Variants in GTPBP1 observed in about 807,000 individuals in gnomAD.
GTPBP1 encodes GTP-binding protein 1.
Under a neutral mutation model 62.0 loss-of-function variants are expected in GTPBP1, and 23 were observed. The observed-to-expected ratio is 0.37, with a 90% confidence interval of 0.27 to 0.53. GTPBP1 has a LOEUF of 0.53. Among genes scored for constraint, GTPBP1 ranks in the 20% least tolerant of loss-of-function variants. The pLI is 0.89. For synonymous variants in GTPBP1, 344 were observed against 364.4 expected, an observed-to-expected ratio of 0.94 and a Z score of 0.64; for missense variants, 640 against 917.3, an observed-to-expected ratio of 0.70 and a Z score of 3.90.
chr22:38,736,187 C>T, downstream of GTPBP1: 1 of 1,352,362 alleles, frequency 7.4e-7, no homozygotes. Context: ...AGTCAGAGCG[C>T]CGAGCAAGCG....
chr22:38,721,597 T>G (rs1464285205), intron 4 of GTPBP1, 145 bp from the exon 5 acceptor site: 5 of 616,734 alleles, frequency 8.1e-6, no homozygotes, highest in Non-Finnish European at 1.4e-5. Flanking sequence ...TCCTCCGATT[T>G]TGACGCCCCA....
chr22:38,742,690 G>T, downstream of GTPBP1: 1 of 1,184,296 alleles, frequency 8.4e-7, no homozygotes, highest in Admixed American at 2.9e-5. Flanking sequence ...GCCATGCAGG[G>T]CCGGCTGGAG....
intron 2 of GTPBP1, among the ~76,000 whole-genome samples, chr22:38,713,090 G>A (rs1323842453): frequency 5.3e-5 from 8 of 152,156 alleles, no homozygotes; most frequent in Non-Finnish European, 8.8e-5. Flanking sequence ...ACATTTGTGG[G>A]CAGAATGAGT....
At chr22:38,740,060 G>GGAAA, downstream of GTPBP1, 2 of 1,308,264 alleles carry the variant, frequency 1.5e-6, no homozygotes, top group Non-Finnish European at 2.1e-6. This position sits in a 1 kb window ranked among gnomAD's most constrained non-coding sequence, Gnocchi z 4.8. Flanking sequence ...GGCCACTGGA[G>GGAAA]GAAAGAGTTA....
Position 38,726,364 on chromosome 22 carries a change from T to A in GTPBP1, c.1325T>A (p.Val442Asp). The change falls in exon 8 of 12, where the codon GTC (valine) becomes GAC (aspartate). Residue 442 changes from valine (V) to aspartate (D), a missense_variant. By Grantham distance (152) the Val-to-Asp change is radical (BLOSUM62 -3). This residue lies in a region of GTPBP1 where 220 missense variants were observed against 358.1 expected (regional missense o/e 0.61). Transcript: ENST00000216044. The surrounding 1 kb of genome is among the most constrained non-coding windows in gnomAD (Gnocchi z 4.1). The part of the protein sequence containing the change: ...DPLGNFLSIA[V>D]KSIHRKRMPV... ...TTGGGTAACTTCCTGTCCATTGCTG[T>A]CAAATCCATCCATCGCAAGCGCATG... is the stretch of plus-strand genomic sequence containing the variant. The A allele has an allele frequency of 6.2e-7, 1 of 1,614,068 alleles. No individual in the cohort carries two copies. Among genetic ancestry groups the A allele is most frequent in the Non-Finnish European group, 8.5e-7 (1 of 1,179,982 alleles).
At position 38,731,928 on chromosome 22, in the gene GTPBP1, C is replaced by A. The variant is rs576501119; in HGVS notation, c.*1224C>A. 4 of 152,358 alleles carry A rather than the reference C, an allele frequency of 2.6e-5. No homozygotes were observed. The highest frequency in any genetic ancestry group is 5.9e-5 in the Non-Finnish European group (4 of 68,184). The allele number at this position is 152,358 out of a possible 1,614,324, so 9.4% of individuals were successfully genotyped here. ...TTTAGCCTTCTGGAAGAACCCCTGC[C>A]TGGGGTGGGACTGTGCAGGCCAGAG... On this transcript the variant is annotated 3_prime_UTR_variant, in exon 12 of 12. Transcript: ENST00000216044.
downstream of GTPBP1, chr22:38,741,695 C>A: frequency 1.1e-6 from 1 of 875,696 alleles, no homozygotes; most frequent in Non-Finnish European, 1.8e-6. Context: ...TGGCTCTCAG[C>A]CTTCTCTGAA....
downstream of GTPBP1, chr22:38,739,442 C>T (rs1452088970): frequency 1.2e-6 from 2 of 1,612,562 alleles, no homozygotes; most frequent in Admixed American, 1.7e-5. The surrounding 1 kb of genome is among the most constrained non-coding windows in gnomAD (Gnocchi z 6.7). Context: ...ATGCAGGCAC[C>T]AGGAGACGGT....
rs982517651 is a variant in GTPBP1 at position 38,723,057 on chromosome 22, C to T, written c.958+1192C>T. ...GGGATGTTCATGTGGTCCAAACCACCATTATTTCTTGGTGTATTTATCCAG... is the reference window on the plus strand; with the variant it reads ...GGGATGTTCATGTGGTCCAAACCACTATTATTTCTTGGTGTATTTATCCAG... On this transcript the variant is annotated intron_variant, in intron 5 of 11. Coordinates refer to ENST00000216044, the MANE Select transcript of GTPBP1 (RefSeq NM_004286.5). 2.2e-5 allele frequency: 17 copies of T among 781,252 alleles called. No individual in the cohort carries two copies. The African/African-American group carries it at 2.7e-4, about 13-fold the overall frequency. 48.4% of individuals were successfully genotyped at this position (781,252 alleles called of 1,614,324 possible). A position where few individuals can be genotyped will look rare whatever the true frequency, so the allele number is the denominator to read the frequency against.
At chr22:38,720,702 GA>G (rs2092695481) in intron 4 of GTPBP1, among the ~76,000 whole-genome samples, 1 of 152,120 alleles carries the variant, frequency 6.6e-6, no homozygotes, top group Non-Finnish European at 1.5e-5. Context: ...GTGATATTTG[GA>G]AACATTTATT....
At chr22:38,723,415 G>T in intron 5 of GTPBP1, 1 of 1,078,162 alleles carries the variant, frequency 9.3e-7, no homozygotes, top group Non-Finnish European at 1.4e-6. Context: ...CAGCAAGCTT[G>T]AGGGCTGCAG....
chr22:38,723,307 G>C (rs1011293410), intron 5 of GTPBP1: 44 of 850,890 alleles, frequency 5.2e-5, no homozygotes, highest in Non-Finnish European at 6.2e-6. Context: ...GTGCATGCTG[G>C]GCGACAGCAG....
downstream of GTPBP1, chr22:38,734,232 G>T: frequency 2.2e-6 from 1 of 452,620 alleles, no homozygotes. Flanking sequence ...ACGCGAACCA[G>T]GTCTGGGGAG....
At chr22:38,719,270 G>T (rs2145861339) in intron 4 of GTPBP1, among the ~76,000 whole-genome samples, 1 of 152,304 alleles carries the variant, frequency 6.6e-6, no homozygotes, top group South Asian at 2.1e-4. Context: ...GCCTCCCAAA[G>T]TGCTGAGATT....
chr22:38,714,817 A>T (rs2092660614), intron 2 of GTPBP1, among the ~76,000 whole-genome samples: 1 of 152,118 alleles, frequency 6.6e-6, no homozygotes, highest in African/African-American at 2.4e-5. Context: ...GCTCTCAGAG[A>T]CAGGACAGCT....
chr22:38,741,607 G>A (rs1014547237), downstream of GTPBP1: 4 of 1,597,760 alleles, frequency 2.5e-6, no homozygotes, highest in East Asian at 2.2e-5. Flanking sequence ...GTTGGACAGA[G>A]CCATGCTTAT....
At position 38,727,472 on chromosome 22, in the gene GTPBP1, T is replaced by G; in HGVS notation, c.1537+124T>G. 1.1e-6 allele frequency: 1 copy of G among 892,582 alleles called. No individual in the cohort carries two copies. Among genetic ancestry groups the G allele is most frequent in the Admixed American group, 2.9e-5 (1 of 34,272 alleles). 55.3% of individuals were successfully genotyped at this position (892,582 alleles called of 1,614,324 possible). The stretch of plus-strand genomic sequence containing the variant: ...GGTGGTAGGCCTCCTTCCTGTTTAG[T>G]GATGCCGTTCCTTCTGTTCTACCCA... On this transcript the variant is annotated intron_variant, in intron 9 of 11. Transcript: ENST00000216044. The surrounding 1 kb of genome is among the most constrained non-coding windows in gnomAD (Gnocchi z 6.5).
At chr22:38,709,650 G>A (rs1363688843) in intron 2 of GTPBP1, among the ~76,000 whole-genome samples, 1 of 152,086 alleles carries the variant, frequency 6.6e-6, no homozygotes, top group African/African-American at 2.4e-5. Flanking sequence ...ATCCCATTGC[G>A]ACTTATTTTC....
chr22:38,738,109 G>C, downstream of GTPBP1: 5 of 1,471,696 alleles, frequency 3.4e-6, no homozygotes, highest in Non-Finnish European at 3.8e-6. The surrounding 1 kb of genome is among the most constrained non-coding windows in gnomAD (Gnocchi z 6.6). Flanking sequence ...TAAGTGCCCA[G>C]GGAGCACCTG....
Sources: gnomAD v4.1 joint callset for allele counts (sites outside exome capture counted in the v4.1 genomes callset) on GRCh38, gnomAD v4.1.1 for gene constraint, gnomAD v4.1.1 regional missense constraint, Gnocchi (gnomAD v3.1) non-coding constraint, MANE v1.5 for transcripts, NCBI Gene and HGNC (gene_info 2026-07-23, HGNC 2026-07-21) for gene names.